HDAC9: variants seen among roughly 807,000 people sequenced by gnomAD.
HDAC9 encodes the protein MEF-2 interacting transcription repressor (MITR) protein.
A neutral mutation model predicts 139.4 loss-of-function variants in HDAC9; 41 were observed. The observed-to-expected ratio is 0.29, with a 90% CI of 0.23 to 0.38. HDAC9 has a LOEUF of 0.38. Ranked by LOEUF, HDAC9 falls within the 10% of genes least tolerant of loss-of-function variation. The pLI is 1.00. For missense variants in HDAC9, 1,147 were observed against 1,297.0 expected, an observed-to-expected ratio of 0.88 and a Z score of 1.78; for synonymous variants, 517 against 476.2, an observed-to-expected ratio of 1.09 and a Z score of -1.12.
At chr7:18,218,854 T>G (rs1031550313) in intron 2 of HDAC9, among the ~76,000 whole-genome samples, 10 of 152,198 alleles carry the variant, frequency 6.6e-5, no homozygotes, top group African/African-American at 2.4e-4. Context: ...CTATTATAAA[T>G]TATAATATTT....
At chr7:18,978,645 AATAT>A (rs1784703055) in intron 25 of HDAC9, among the ~76,000 whole-genome samples, 1 of 152,244 alleles carries the variant, frequency 6.6e-6, no homozygotes, top group South Asian at 2.1e-4. Flanking sequence ...AAGAAAATTA[AATAT>A]ATACGTCTGG....
At chr7:18,874,248 T>TTC (rs1799150600) in intron 21 of HDAC9, among the ~76,000 whole-genome samples, 1 of 151,484 alleles carries the variant, frequency 6.6e-6, no homozygotes, top group South Asian at 2.1e-4. Context: ...TTTTTTTTTT[T>TTC]CCATTTGGAG....
rs553110092 is a variant in HDAC9, at chr7:18,890,811, C to T, written c.2803+16215C>T. On this transcript the variant is annotated intron_variant, in intron 22 of 25. Coordinates refer to ENST00000686413, the MANE Select transcript of HDAC9 (RefSeq NM_178425.4). ...CATAGAAACTTATCTTTGATGGCAC[C>T]GTAATATAAACTTTAAGCGAAAGTA... 3.9e-5 allele frequency among the ~76,000 whole-genome samples: 6 copies of T among 152,026 alleles called. No individual in the cohort carries two copies. In the East Asian group the frequency reaches 9.7e-4, roughly 24 times the overall value.
chr7:18,660,029 T>C (rs953625370), intron 11 of HDAC9, among the ~76,000 whole-genome samples: 2 of 152,106 alleles, frequency 1.3e-5, no homozygotes, highest in Non-Finnish European at 2.9e-5. Flanking sequence ...ATATTTGTAG[T>C]TGAGAAACAC....
rs113092564 is a variant in HDAC9 at position 18,208,733 on chromosome 7, T to A, written c.25+46384T>A. Among the ~76,000 whole-genome samples, 168 of 151,858 alleles carry A rather than the reference T, an allele frequency of 1.1e-3. 1 individual carries two copies. Among genetic ancestry groups the A allele is most frequent in the African/African-American group, 3.6e-3 (148 of 41,416 alleles). On this transcript the variant is annotated intron_variant, in intron 2 of 12. Coordinates refer to the HDAC9 transcript ENST00000417496. ...CATTGATAAGATATAGAAAAAAATTTAAAAAAAAATTTTATCTAGCTGTCA... is the reference window on the plus strand; with the variant it reads ...CATTGATAAGATATAGAAAAAAATTAAAAAAAAAATTTTATCTAGCTGTCA...
intron 1 of HDAC9, among the ~76,000 whole-genome samples, chr7:18,428,349 T>A (rs905211149): frequency 2.0e-5 from 3 of 151,994 alleles, no homozygotes; most frequent in Non-Finnish European, 2.9e-5. Flanking sequence ...CCTAGAAAAA[T>A]GGAAGAAAAT....
chr7:18,179,636 A>C (rs1042276318), intron 2 of HDAC9, among the ~76,000 whole-genome samples: 6 of 152,144 alleles, frequency 3.9e-5, no homozygotes, highest in Non-Finnish European at 7.3e-5. Flanking sequence ...TTTTCTTTGA[A>C]TATTTTATTA....
At chr7:18,930,524 ATAC>A (rs1213279654) in intron 22 of HDAC9, among the ~76,000 whole-genome samples, 2 of 152,152 alleles carry the variant, frequency 1.3e-5, no homozygotes, top group African/African-American at 2.4e-5. Flanking sequence ...CTGAAAAATA[ATAC>A]CTTCACCTGG....
intron 1 of HDAC9, among the ~76,000 whole-genome samples, chr7:18,148,065 T>G (rs1038244893): frequency 6.6e-6 from 1 of 152,236 alleles, no homozygotes; most frequent in African/African-American, 2.4e-5. Context: ...TTTGTGATTT[T>G]TCTCAAGAAG....
At chr7:18,987,512 A>T (rs1012233828) in intron 25 of HDAC9, among the ~76,000 whole-genome samples, 1 of 152,184 alleles carries the variant, frequency 6.6e-6, no homozygotes, top group African/African-American at 2.4e-5. Context: ...CATCAAGGCT[A>T]TTGGTCTAAA....
chr7:18,872,355 T>TCAGATAGAAAC (rs1798987683), intron 21 of HDAC9, among the ~76,000 whole-genome samples: 1 of 152,110 alleles, frequency 6.6e-6, no homozygotes, highest in African/African-American at 2.4e-5. Context: ...GCAATTTGCT[T>TCAGATAGAAAC]CAGATAGAAA....
chr7:18,192,531 A>G (rs1790424391), intron 2 of HDAC9, among the ~76,000 whole-genome samples: 1 of 152,102 alleles, frequency 6.6e-6, no homozygotes, highest in South Asian at 2.1e-4. Context: ...CTGTGAGGAG[A>G]AGGGAAGGTA....
At chr7:18,917,976 G>C (rs1803359626) in intron 22 of HDAC9, among the ~76,000 whole-genome samples, 1 of 152,022 alleles carries the variant, frequency 6.6e-6, no homozygotes, top group African/African-American at 2.4e-5. Context: ...CATTAGCGTT[G>C]ACAGACATTA....
intron 1 of HDAC9, among the ~76,000 whole-genome samples, chr7:18,297,208 C>G (rs529383153): frequency 1.3e-5 from 2 of 152,130 alleles, no homozygotes; most frequent in Non-Finnish European, 2.9e-5. Flanking sequence ...ACATTATAAG[C>G]TTTTGCTGTG....
chr7:18,165,368 G>T (rs186004840), intron 2 of HDAC9, among the ~76,000 whole-genome samples: 1 of 152,164 alleles, frequency 6.6e-6, no homozygotes, highest in Non-Finnish European at 1.5e-5. Context: ...AACAGCACTA[G>T]TGTTTCATAT....
At chr7:18,090,649 T>A (rs1482198856) in intron 1 of HDAC9, among the ~76,000 whole-genome samples, 1 of 152,166 alleles carries the variant, frequency 6.6e-6, no homozygotes, top group East Asian at 1.9e-4. Context: ...AGAGAGAGTA[T>A]TGACGGGGGA....
chr7:18,257,438 A>C (rs13310097), intron 2 of HDAC9, among the ~76,000 whole-genome samples: 45,488 of 130,590 alleles, frequency 0.35, 8,091 homozygotes, highest in Admixed American at 0.45. Flanking sequence ...CACACACACA[A>C]AAAGAAAAAA....
intron 2 of HDAC9, among the ~76,000 whole-genome samples, chr7:18,577,911 A>G (rs2128765514): frequency 6.6e-6 from 1 of 152,230 alleles, no homozygotes; most frequent in South Asian, 2.1e-4. Flanking sequence ...AGAAAGAATG[A>G]GACTGAAAAA....
At chr7:18,359,571 C>A (rs996609383) in intron 1 of HDAC9, among the ~76,000 whole-genome samples, 1 of 152,160 alleles carries the variant, frequency 6.6e-6, no homozygotes, top group Non-Finnish European at 1.5e-5. Context: ...TAGTCCCCAG[C>A]ACCTGCTTTG....
Sources: gnomAD v4.1 joint callset for allele counts (sites outside exome capture counted in the v4.1 genomes callset) on GRCh38, gnomAD v4.1.1 for gene constraint, MANE v1.5 for transcripts, NCBI Gene and HGNC (gene_info 2026-07-23, HGNC 2026-07-21) for gene names.